The following SLC71A2 variants were observed in gnomAD, a reference collection of about 807,000 sequenced individuals.
SLC71A2 encodes hippocampus abundant transcript-like 1.
the SLC71A2 span, chr9:94,456,181 G>A: frequency 8.4e-6 from 10 of 1,188,852 alleles, no homozygotes; most frequent in Middle Eastern, 3.9e-4. Context: ...ATTGCATTCC[G>A]AATAGTGAGC....
chr9:94,414,807 T>C, the SLC71A2 span, among the ~76,000 whole-genome samples: 63 of 152,228 alleles, frequency 4.1e-4, no homozygotes, highest in South Asian at 1.2e-3. Context: ...CCAAGTAGCC[T>C]GCCACCATGC....
the SLC71A2 span, among the ~76,000 whole-genome samples, chr9:94,413,171 G>T: frequency 6.6e-6 from 1 of 151,564 alleles, no homozygotes; most frequent in Non-Finnish European, 1.5e-5. Context: ...GACTTAGATT[G>T]GAAGAGCCTA....
chr9:94,418,941 T>C, the SLC71A2 span, among the ~76,000 whole-genome samples: 2 of 152,080 alleles, frequency 1.3e-5, no homozygotes, highest in Non-Finnish European at 2.9e-5. Flanking sequence ...TGAACATATT[T>C]ATAGTATCTG....
chr9:94,409,872 C>T, the SLC71A2 span, among the ~76,000 whole-genome samples: 2 of 143,706 alleles, frequency 1.4e-5, no homozygotes, highest in African/African-American at 2.6e-5. Flanking sequence ...ACAGTCTTCT[C>T]ATGTGCACTT....
At chr9:94,427,861 C>T in the SLC71A2 span, among the ~76,000 whole-genome samples, 1 of 147,294 alleles carries the variant, frequency 6.8e-6, no homozygotes, top group Non-Finnish European at 1.5e-5. Flanking sequence ...CAGTGGCTCA[C>T]GCCTGTAATC....
At chr9:94,434,551 G>A in the SLC71A2 span, among the ~76,000 whole-genome samples, 13 of 152,144 alleles carry the variant, frequency 8.5e-5, no homozygotes, top group African/African-American at 2.9e-4. Context: ...TCTTGACCTC[G>A]TGATCCTCCC....
the SLC71A2 span, among the ~76,000 whole-genome samples, chr9:94,443,380 G>A: frequency 1.3e-5 from 2 of 152,172 alleles, no homozygotes; most frequent in Admixed American, 6.5e-5. Context: ...ATTAATTACA[G>A]AACGTGTCAG....
At chr9:94,453,199 G>C in the SLC71A2 span, among the ~76,000 whole-genome samples, 5 of 143,210 alleles carry the variant, frequency 3.5e-5, no homozygotes, top group African/African-American at 1.3e-4. Context: ...ACCCAGGCTG[G>C]AGTGCAGTGG....
At chr9:94,415,688 G>A in the SLC71A2 span, among the ~76,000 whole-genome samples, 7 of 152,040 alleles carry the variant, frequency 4.6e-5, no homozygotes, top group Non-Finnish European at 1.0e-4. Context: ...TTCTCATAAT[G>A]AGCGCAACTT....
chr9:94,385,221 A>G, the SLC71A2 span, among the ~76,000 whole-genome samples: 2 of 152,198 alleles, frequency 1.3e-5, no homozygotes, highest in African/African-American at 2.4e-5. Flanking sequence ...TTTGATGCAC[A>G]TAAGTTTTAA....
At chr9:94,458,281 T>A in the SLC71A2 span, 32 of 1,581,408 alleles carry the variant, frequency 2.0e-5, no homozygotes, top group Non-Finnish European at 2.7e-5. Flanking sequence ...TTGAGATGCC[T>A]TTCTGAGAAG....
At chr9:94,423,360 C>T in the SLC71A2 span, among the ~76,000 whole-genome samples, 1 of 151,568 alleles carries the variant, frequency 6.6e-6, no homozygotes, top group East Asian at 1.9e-4. Context: ...ATTAAGGTGA[C>T]CTTTAAACCA....
chr9:94,441,271 A>G, the SLC71A2 span, among the ~76,000 whole-genome samples: 1 of 152,220 alleles, frequency 6.6e-6, no homozygotes, highest in Non-Finnish European at 1.5e-5. Context: ...TCTGCAGGCT[A>G]TAAAGGAGGC....
At chr9:94,445,798 A>AC in the SLC71A2 span, among the ~76,000 whole-genome samples, 279 of 152,318 alleles carry the variant, frequency 1.8e-3, no homozygotes, top group African/African-American at 6.4e-3. Flanking sequence ...CAAAAAAAGA[A>AC]CCAGCAGTTT....
At chr9:94,447,171 A>T in the SLC71A2 span, among the ~76,000 whole-genome samples, 10,418 of 151,394 alleles carry the variant, frequency 0.069, 454 homozygotes, top group Non-Finnish European at 0.1. Flanking sequence ...AATTAGCAGA[A>T]ACATAATTTA....
chr9:94,443,616 G>A, the SLC71A2 span, among the ~76,000 whole-genome samples: 1 of 152,020 alleles, frequency 6.6e-6, no homozygotes, highest in Non-Finnish European at 1.5e-5. Flanking sequence ...AAGTGAAAGA[G>A]GAGTTTAGAT....
the SLC71A2 span, among the ~76,000 whole-genome samples, chr9:94,378,038 A>G: frequency 1.3e-5 from 2 of 151,010 alleles, no homozygotes; most frequent in South Asian, 4.3e-4. Flanking sequence ...TGGGAGGCGG[A>G]GGTTGCAGTG....
chr9:94,374,716 C>G, the SLC71A2 span: 6 of 159,096 alleles, frequency 3.8e-5, no homozygotes, highest in Non-Finnish European at 8.1e-5. Context: ...GACCCGCAGG[C>G]CGCCGCGGGC....
chr9:94,458,031 A>G, the SLC71A2 span, among the ~76,000 whole-genome samples: 13 of 152,230 alleles, frequency 8.5e-5, no homozygotes, highest in Non-Finnish European at 1.8e-4. Flanking sequence ...AAATGACCAG[A>G]GCAGGGAAAT....
Sources: gnomAD v4.1 joint callset for allele counts (sites outside exome capture counted in the v4.1 genomes callset) on GRCh38, gnomAD v4.1.1 for gene constraint, MANE v1.5 for transcripts, NCBI Gene and HGNC (gene_info 2026-07-23, HGNC 2026-07-21) for gene names.